METTL22: variants seen among roughly 807,000 people sequenced by gnomAD.
The protein encoded by METTL22 is methyltransferase 22, Kin17 lysine, also known as methyltransferase-like protein 22.
Under a neutral mutation model 48.4 loss-of-function variants are expected in METTL22, and 51 were observed. That is an observed-to-expected ratio of 1.05 (90% CI 0.84 to 1.33). The LOEUF is 1.33. Among genes scored for constraint, METTL22 ranks in the 40% most tolerant of loss-of-function variants. The pLI, the probability that METTL22 is intolerant of heterozygous loss-of-function variation, is 0.00. For missense variants in METTL22, 678 were observed against 526.9 expected (o/e 1.29, Z -2.81); for synonymous variants, 255 against 214.1 (o/e 1.19, Z -1.67).
rs1596335716 is a variant in METTL22, at chr16:8,628,608, A to G, written c.134-122A>G. 9.1e-6 allele frequency: 12 copies of G among 1,320,986 alleles called. No individual in the cohort carries two copies. The South Asian group carries it at 1.2e-4, about 14-fold the overall frequency. The allele number at this position is 1,320,986 out of a possible 1,614,324, so 81.8% of individuals were successfully genotyped here. On this transcript the variant is annotated intron_variant, in intron 2 of 10. Transcript: ENST00000381920. ...GTGGGCCTTTTCTGCTGGCATTAGT[A>G]TATCTCTACCTGGCCTTTAAAAATC...
intron 6 of METTL22, 95 bp downstream of exon 6, chr16:8,639,257 C>A: frequency 8.1e-7 from 1 of 1,227,728 alleles, no homozygotes; most frequent in East Asian, 2.3e-5. Flanking sequence ...GGCAGGGCTC[C>A]GTCTGTGTCC....
At chr16:8,627,821 C>T (rs769507022) in intron 2 of METTL22, among the ~76,000 whole-genome samples, 2 of 152,262 alleles carry the variant, frequency 1.3e-5, no homozygotes, top group Admixed American at 6.5e-5. Flanking sequence ...TCTTGACTCA[C>T]TACAGCCTCG....
At chr16:8,655,514 G>T in the METTL22 span, among the ~76,000 whole-genome samples, 5 of 152,210 alleles carry the variant, frequency 3.3e-5, no homozygotes, top group Non-Finnish European at 5.9e-5. Context: ...AATCTGAGAA[G>T]TGACACTCCG....
chr16:8,654,590 CAA>C (rs1374006558), downstream of METTL22, among the ~76,000 whole-genome samples: 4 of 152,210 alleles, frequency 2.6e-5, no homozygotes, highest in African/African-American at 4.8e-5. Context: ...TACTCTCTAA[CAA>C]GAGCTGTATT....
At position 8,635,243 on chromosome 16, in the gene METTL22, G is replaced by A; in HGVS notation, c.631G>A (p.Glu211Lys). The A allele has an allele frequency of 3.1e-6, 5 of 1,610,004 alleles. No homozygotes were observed. Among genetic ancestry groups the A allele is most frequent in the Non-Finnish European group, 4.2e-6 (5 of 1,177,800 alleles). The change falls in exon 5 of 11, where the codon GAG (glutamate) becomes AAG (lysine). Residue 211 changes from glutamate to lysine, a missense_variant. Physicochemically the swap from Glu to Lys is moderately conservative, Grantham distance 56. Transcript: ENST00000381920. ...QDLFRGCTALELGAGTGLASI... is the reference protein window; with the variant it reads ...QDLFRGCTALKLGAGTGLASI... ...CCTCTTCCGAGGATGTACAGCGCTGGAGCTCGGGGCCGGCACGGGGCTCGC... is the reference window on the plus strand; with the variant it reads ...CCTCTTCCGAGGATGTACAGCGCTGAAGCTCGGGGCCGGCACGGGGCTCGC...
intron 3 of METTL22, among the ~76,000 whole-genome samples, chr16:8,634,027 G>A (rs958154078): frequency 6.6e-6 from 1 of 152,242 alleles, no homozygotes; most frequent in Non-Finnish European, 1.5e-5. Context: ...GTGTTAGGAC[G>A]TAGCAATCTG....
At chr16:8,627,884 C>T (rs2056115478) in intron 2 of METTL22, among the ~76,000 whole-genome samples, 1 of 152,170 alleles carries the variant, frequency 6.6e-6, no homozygotes, top group Non-Finnish European at 1.5e-5. Context: ...GTAGCTGGGA[C>T]TATAGGCACA....
At chr16:8,630,795 G>C (rs1233409502) in intron 3 of METTL22, among the ~76,000 whole-genome samples, 1 of 152,196 alleles carries the variant, frequency 6.6e-6, no homozygotes, top group Non-Finnish European at 1.5e-5. Context: ...TTTTTCAGCT[G>C]TCAGTCACTC....
chr16:8,622,837 T>C lies in METTL22; in HGVS notation c.-171+1062T>C, dbSNP rs182051866. Among the ~76,000 whole-genome samples the C allele has an allele frequency of 7.2e-5, 11 of 152,294 alleles. No homozygotes were observed. In the East Asian group the frequency reaches 2.1e-3, roughly 29 times the overall value. On this transcript the variant is annotated intron_variant, in intron 1 of 10. Coordinates refer to ENST00000381920, the MANE Select transcript of METTL22 (RefSeq NM_024109.4). The stretch of plus-strand genomic sequence containing the variant: ...GAATCTCCTTCATCTGGAACTTACA[T>C]TGCAGCGTACATTTCTTGGGAAGCC...
chr16:8,640,905 G>A lies in METTL22; in HGVS notation c.773-226G>A, dbSNP rs796604795. Among the ~76,000 whole-genome samples, 144 of 38,092 alleles carry A rather than the reference G, an allele frequency of 3.8e-3. 5 individuals are homozygous for A. The highest frequency in any genetic ancestry group is 0.011 in the African/African-American group (120 of 11,318). 25.0% of individuals were successfully genotyped at this position (38,092 alleles called of 152,430 possible). On this transcript the variant is annotated intron_variant, in intron 6 of 10. Transcript: ENST00000381920. ...GGGTGGGTGGGTGAATGGATGGATG[G>A]ATGGATGGATGGATGGATGGATGGA... is the stretch of plus-strand genomic sequence containing the variant.
chr16:8,654,552 C>T (rs1252720924), downstream of METTL22, among the ~76,000 whole-genome samples: 4 of 152,164 alleles, frequency 2.6e-5, no homozygotes, highest in African/African-American at 7.2e-5. Context: ...CACACATGCA[C>T]GCATGCATAC....
intron 9 of METTL22, 49 bp from the exon 10 acceptor site, chr16:8,644,508 C>A: frequency 6.7e-7 from 1 of 1,502,572 alleles, no homozygotes; most frequent in African/African-American, 1.4e-5. Flanking sequence ...ACAGCAAAAC[C>A]CTTCCCATTG....
At chr16:8,630,846 G>C (rs542820024) in intron 3 of METTL22, among the ~76,000 whole-genome samples, 1 of 152,318 alleles carries the variant, frequency 6.6e-6, no homozygotes, top group Middle Eastern at 3.4e-3. Flanking sequence ...GGTAGCTAAT[G>C]CATGAACCTA....
At chr16:8,665,426 G>T in the METTL22 span, among the ~76,000 whole-genome samples, 324 of 152,306 alleles carry the variant, frequency 2.1e-3, 1 homozygote, top group African/African-American at 7.1e-3. Flanking sequence ...ATACAGCCTG[G>T]CACCTTCCAG....
chr16:8,657,824 C>CTTTTCTTTTTTTTTTTTTTTTTTTTTTTT, the METTL22 span, among the ~76,000 whole-genome samples: 3 of 137,434 alleles, frequency 2.2e-5, no homozygotes, highest in African/African-American at 8.7e-5. Context: ...TCTTTTCTTT[C>CTTTTCTTTTTTTTTTTTTTTTTTTTTTTT]TTTTTTTTTT....
chr16:8,629,028 A>G lies in METTL22; in HGVS notation c.432A>G (p.Val144=), dbSNP rs1378534161. ...CAGCAGGGCCTCTGAGAGACAAGGT[A>G]CATCCCATGATTCTAGCACAGGAAG... ...SNPAGPLRDK[V]HPMILAQEED... Residue 144 remains valine, a synonymous_variant, in exon 3 of 11, where the codon GTA becomes GTG. Transcript: ENST00000381920. 6.2e-7 allele frequency: 1 copy of G among 1,614,108 alleles called. No individual in the cohort carries two copies. Among genetic ancestry groups the G allele is most frequent in the Non-Finnish European group, 8.5e-7 (1 of 1,180,032 alleles).
rs1169793665 is a variant in METTL22 at position 8,642,520 on chromosome 16, A to G, written c.965A>G (p.His322Arg). ...AVFKTLSRLA[H>R]RLKNACTAIL... ...TTTAAAACGCTCTCCCGACTCGCCC[A>G]CAGATTGAAAAATGCCTGCACAGCC... Residue 322 changes from histidine (H) to arginine (R), a missense_variant, in exon 9 of 11, where the codon CAC becomes CGC. His to Arg is a conservative substitution (Grantham distance 29). Transcript: ENST00000381920. 6.2e-7 allele frequency: 1 copy of G among 1,614,216 alleles called. No individual in the cohort carries two copies.
chr16:8,653,884 A>C (rs1417799012), downstream of METTL22, among the ~76,000 whole-genome samples: 2 of 152,182 alleles, frequency 1.3e-5, no homozygotes, highest in South Asian at 2.1e-4. Context: ...GTGAGAACCC[A>C]GGAAGAAGGA....
intron 9 of METTL22, among the ~76,000 whole-genome samples, chr16:8,643,272 C>T (rs1446712162): frequency 1.3e-5 from 2 of 152,190 alleles, no homozygotes; most frequent in Non-Finnish European, 2.9e-5. Context: ...ACCAATAATA[C>T]CGAGGGCTTG....
Sources: gnomAD v4.1 joint callset for allele counts (sites outside exome capture counted in the v4.1 genomes callset) on GRCh38, gnomAD v4.1.1 for gene constraint, MANE v1.5 for transcripts, NCBI Gene and HGNC (gene_info 2026-07-23, HGNC 2026-07-21) for gene names.